Variants in FARP2 observed in about 807,000 individuals in gnomAD.
FARP2 encodes the protein FERM, ARHGEF and pleckstrin domain-containing protein 2.
A neutral mutation model predicts 130.5 loss-of-function variants in FARP2; 111 were observed. The ratio of observed to expected loss-of-function variants is 0.85; its 90% CI spans 0.73 to 1.00. FARP2 has a LOEUF of 1.00. Ranked by LOEUF, FARP2 falls within the 50% of genes least tolerant of loss-of-function variation. The pLI is 0.00. For synonymous variants in FARP2, 504 were observed against 516.9 expected (o/e 0.98, Z 0.34); for missense variants, 1,385 against 1,346.3 (o/e 1.03, Z -0.45).
At chr2:241,402,648 A>C (rs1038172950) in intron 2 of FARP2, among the ~76,000 whole-genome samples, 2 of 151,080 alleles carry the variant, frequency 1.3e-5, no homozygotes, top group African/African-American at 4.9e-5. Context: ...GTAATGTACA[A>C]TAAAACTCTA....
intron 17 of FARP2, among the ~76,000 whole-genome samples, chr2:241,465,239 A>G (rs1394279978): frequency 3.3e-5 from 5 of 152,062 alleles, no homozygotes; most frequent in African/African-American, 1.2e-4. Context: ...GTCCTCCTCA[A>G]TGGGTCTGCC....
chr2:241,366,464 T>TA (rs1328297787), intron 1 of FARP2, among the ~76,000 whole-genome samples: 2 of 151,498 alleles, frequency 1.3e-5, no homozygotes, highest in Admixed American at 6.6e-5. Flanking sequence ...TTCAGGCAAT[T>TA]AAAAAAAATA....
chr2:241,438,067 C>G (rs1359736642), intron 12 of FARP2, among the ~76,000 whole-genome samples: 4 of 152,198 alleles, frequency 2.6e-5, no homozygotes, highest in African/African-American at 9.6e-5. Context: ...CCTTGGCCTC[C>G]CAAAGTGCTT....
At chr2:241,458,439 G>C (rs541424243) in intron 14 of FARP2, among the ~76,000 whole-genome samples, 1 of 152,176 alleles carries the variant, frequency 6.6e-6, no homozygotes. Context: ...CAGCAGGTAG[G>C]ATGGCACAGG....
chr2:241,409,607 C>G (rs968404799), intron 5 of FARP2, among the ~76,000 whole-genome samples: 1 of 152,054 alleles, frequency 6.6e-6, no homozygotes, highest in Non-Finnish European at 1.5e-5. Context: ...TACTCAGCAC[C>G]TTATTCTCCG....
At chr2:241,434,432 C>A in intron 10 of FARP2, 111 bp downstream of exon 10, 1 of 773,230 alleles carries the variant, frequency 1.3e-6, no homozygotes, top group Non-Finnish European at 2.0e-6. Context: ...GAGAATTACA[C>A]ACAAAGTGGA....
intron 13 of FARP2, among the ~76,000 whole-genome samples, chr2:241,452,151 G>T (rs2063676172): frequency 6.6e-6 from 1 of 152,190 alleles, no homozygotes; most frequent in Admixed American, 6.5e-5. Context: ...GATATCCACA[G>T]AATTCAAAAT....
intron 2 of FARP2, among the ~76,000 whole-genome samples, chr2:241,402,846 ATAT>A: frequency 2.1e-4 from 1 of 4,798 alleles, no homozygotes; most frequent in Admixed American, 3.2e-3. Flanking sequence ...TTATATATAT[ATAT>A]ATATATATAT....
chr2:241,441,456 C>CA lies in FARP2; in HGVS notation c.1313dup (p.Ser439GlufsTer64). The CA allele has an allele frequency of 1.2e-6, 2 of 1,614,194 alleles. No individual in the cohort carries two copies. Among genetic ancestry groups the CA allele is most frequent in the Admixed American group, 3.3e-5 (2 of 60,016 alleles). On this transcript the variant is annotated frameshift_variant, in exon 13 of 27. Transcript: ENST00000264042. LOFTEE classifies it high-confidence loss of function. ...TCACAGATCCCCAGGTTTCCTACGT[C>CA]AAGAGTCCAGCTGCAGAGAGGCGCA...
rs889639497 is a variant in FARP2 at position 241,482,294 on chromosome 2, C to T, written c.2263-1171C>T. Among the ~76,000 whole-genome samples the T allele has an allele frequency of 3.3e-5, 5 of 152,170 alleles. No individual in the cohort carries two copies. The highest frequency in any genetic ancestry group is 1.2e-4 in the African/African-American group (5 of 41,446). ...GGGCCAGTGCATGGTGGAGAAGGCGCCCCGTGGGTCTGGGACGCACATCCT... is the reference window on the plus strand; with the variant it reads ...GGGCCAGTGCATGGTGGAGAAGGCGTCCCGTGGGTCTGGGACGCACATCCT... On this transcript the variant is annotated intron_variant, in intron 19 of 26. Transcript: ENST00000264042. The surrounding 1 kb of genome is among the most constrained non-coding windows in gnomAD (Gnocchi z 4.6).
intron 2 of FARP2, among the ~76,000 whole-genome samples, chr2:241,396,322 A>G (rs958389778): frequency 1.3e-5 from 2 of 152,344 alleles, no homozygotes; most frequent in African/African-American, 2.4e-5. Flanking sequence ...ACAAAAGCCA[A>G]AATTGACAAA....
chr2:241,461,679 T>C (rs2064022584), intron 14 of FARP2, among the ~76,000 whole-genome samples: 1 of 152,214 alleles, frequency 6.6e-6, no homozygotes, highest in South Asian at 2.1e-4. Context: ...TATTCGGAGC[T>C]GACACCTGCT....
intron 11 of FARP2, among the ~76,000 whole-genome samples, chr2:241,435,517 T>C (rs1414714933): frequency 8.0e-5 from 12 of 150,212 alleles, no homozygotes; most frequent in Non-Finnish European, 1.3e-4. Context: ...GTAATTTTTT[T>C]TTTTTTTTTT....
At chr2:241,455,774 CT>C (rs1487447323) in intron 13 of FARP2, among the ~76,000 whole-genome samples, 1 of 114,224 alleles carries the variant, frequency 8.8e-6, no homozygotes, top group Non-Finnish European at 1.7e-5. Context: ...GAGTCTTGCT[CT>C]GTCATCCAGG....
chr2:241,382,928 T>G (rs1323142562), intron 2 of FARP2, among the ~76,000 whole-genome samples: 1 of 152,078 alleles, frequency 6.6e-6, no homozygotes, highest in African/African-American at 2.4e-5. Flanking sequence ...AGTTTAAAAA[T>G]AACTTAAGAG....
chr2:241,362,461 G>A (rs1408171653), intron 1 of FARP2, among the ~76,000 whole-genome samples: 2 of 151,966 alleles, frequency 1.3e-5, no homozygotes, highest in Non-Finnish European at 2.9e-5. Flanking sequence ...AATTAGCCGG[G>A]CATGGTGGCG....
rs1046334453 is a variant in FARP2, at chr2:241,418,257, C to A, written c.771+148C>A. 2.8e-5 allele frequency: 22 copies of A among 776,154 alleles called. No homozygotes were observed. The African/African-American group carries it at 3.6e-4, about 13-fold the overall frequency. The allele number at this position is 776,154 out of a possible 1,614,324, so 48.1% of individuals were successfully genotyped here. A position where few individuals can be genotyped will look rare whatever the true frequency, so the allele number is the denominator to read the frequency against. On this transcript the variant is annotated intron_variant, in intron 8 of 26. Transcript: ENST00000264042. ...AGAGGGGCTTTGCATATCATCCAAT[C>A]CAACCTCTTACTCAGTGGGAAAATT...
At chr2:241,415,616 G>A (rs900519530) in intron 7 of FARP2, among the ~76,000 whole-genome samples, 2 of 152,182 alleles carry the variant, frequency 1.3e-5, no homozygotes, top group South Asian at 4.1e-4. Context: ...TACAGGTCAG[G>A]AAGGGAGAAG....
At chr2:241,413,540 C>T in intron 7 of FARP2, 119 bp downstream of exon 7, 1 of 735,478 alleles carries the variant, frequency 1.4e-6, no homozygotes, top group South Asian at 1.8e-5. Flanking sequence ...ACCATTGCTC[C>T]TGGCCTCAGG....
Sources: allele counts gnomAD v4.1 joint callset (sites outside exome capture counted in the v4.1 genomes callset), GRCh38; gene constraint gnomAD v4.1.1; non-coding constraint Gnocchi (gnomAD v3.1); transcripts MANE v1.5; gene names NCBI Gene and HGNC (gene_info 2026-07-23, HGNC 2026-07-21).